Variants in RGR observed in about 807,000 individuals in gnomAD.
RGR encodes retinal G protein coupled receptor.
Under a neutral mutation model 28.6 loss-of-function variants are expected in RGR, and 30 were observed. The ratio of observed to expected loss-of-function variants is 1.05; its 90% confidence interval spans 0.78 to 1.42. The LOEUF (loss-of-function observed/expected upper bound fraction) is 1.42. Among genes scored for constraint, RGR ranks in the 40% most tolerant of loss-of-function variants. The probability of loss-of-function intolerance (pLI) is 0.00; values close to 1 mark genes in which losing one functional copy is unlikely to be tolerated. For missense variants in RGR, 404 were observed against 375.6 expected (o/e 1.08, Z -0.62); for synonymous variants, 180 against 156.4 (o/e 1.15, Z -1.13).
At chr10:84,258,217 C>T (rs1369520230) in intron 6 of RGR, among the ~76,000 whole-genome samples, 1 of 152,130 alleles carries the variant, frequency 6.6e-6, no homozygotes, top group African/African-American at 2.4e-5. Flanking sequence ...TTGACATTGC[C>T]CAAACCTCAT....
intron 3 of RGR, 29 bp from the exon 4 acceptor site, chr10:84,252,828 A>T (rs1254149087): frequency 6.2e-7 from 1 of 1,612,762 alleles, no homozygotes; most frequent in Non-Finnish European, 8.5e-7. Flanking sequence ...CCTCCTCACA[A>T]CCTCCTCTTC....
intron 1 of RGR, among the ~76,000 whole-genome samples, chr10:84,245,558 G>A (rs1303492951): frequency 6.6e-6 from 1 of 152,180 alleles, no homozygotes; most frequent in Non-Finnish European, 1.5e-5. Flanking sequence ...AGGCTCTGGG[G>A]ACAGACAGCT....
chr10:84,254,579 C>T, intron 5 of RGR, 136 bp downstream of exon 5: 1 of 787,432 alleles, frequency 1.3e-6, no homozygotes, highest in Non-Finnish European at 2.2e-6. Flanking sequence ...AAAGCTTATT[C>T]AGCACAGTAT....
chr10:84,259,123 T>C lies in RGR; in HGVS notation c.*484T>C, dbSNP rs886047353. On this transcript the variant is annotated 3_prime_UTR_variant, in exon 7 of 7. Transcript: ENST00000652092. ...TAGCTCCCACTTACAAGTGAGAACATGTGGTATTTGACTTTCTGTTTTTGA... is the reference window on the plus strand; with the variant it reads ...TAGCTCCCACTTACAAGTGAGAACACGTGGTATTTGACTTTCTGTTTTTGA... 2 of 177,456 alleles carry C rather than the reference T, an allele frequency of 1.1e-5. No homozygotes were observed. Among genetic ancestry groups the C allele is most frequent in the East Asian group, 1.4e-4 (1 of 7,214 alleles). The allele number at this position is 177,456 out of a possible 1,614,324, so 11.0% of individuals were successfully genotyped here.
chr10:84,259,050 C>G lies in RGR; in HGVS notation c.*411C>G. Reference sequence around the variant, plus strand: ...CTCCCACCTTGTCACCCTTCTGAGTCTCCAATGTCTATTATTCCACACTCC... The same window carrying G: ...CTCCCACCTTGTCACCCTTCTGAGTGTCCAATGTCTATTATTCCACACTCC... On this transcript the variant is annotated 3_prime_UTR_variant, in exon 7 of 7. Transcript: ENST00000652092. The G allele has an allele frequency of 7.0e-6, 2 of 284,542 alleles. No individual in the cohort carries two copies. The highest frequency in any genetic ancestry group is 6.9e-6 in the Non-Finnish European group (1 of 144,830). The allele number at this position is 284,542 out of a possible 1,614,324, so 17.6% of individuals were successfully genotyped here.
intron 5 of RGR, among the ~76,000 whole-genome samples, chr10:84,256,003 G>A (rs892341823): frequency 1.4e-5 from 2 of 142,982 alleles, no homozygotes; most frequent in African/African-American, 5.2e-5. Context: ...GGATATAGGC[G>A]TGAGCTGCCG....
At chr10:84,255,965 C>T (rs1842879334) in intron 5 of RGR, among the ~76,000 whole-genome samples, 1 of 149,680 alleles carries the variant, frequency 6.7e-6, no homozygotes, top group Non-Finnish European at 1.5e-5. Flanking sequence ...CTCAGGTGAT[C>T]CGCCCGCCTC....
rs4515908 is a variant in RGR, at chr10:84,252,364, A to G, written c.359-493A>G. 2.2e-4 allele frequency among the ~76,000 whole-genome samples: 33 copies of G among 152,222 alleles called. 2 individuals carry two copies. The South Asian group carries it at 5.0e-3, about 23-fold the overall frequency. ...ATGACCCTCACCTGAACCCCTGCCTATGCTTCTTCCTGAACTTTGTCTCTG... is the reference window on the plus strand; with the variant it reads ...ATGACCCTCACCTGAACCCCTGCCTGTGCTTCTTCCTGAACTTTGTCTCTG... On this transcript the variant is annotated intron_variant, in intron 3 of 6. Transcript: ENST00000652092.
At position 84,253,059 on chromosome 10, in the gene RGR, C is replaced by T. The variant is rs546501687; in HGVS notation, c.512+49C>T. The T allele has an allele frequency of 6.3e-6, 10 of 1,595,720 alleles. No individual in the cohort carries two copies. The East Asian group carries it at 2.0e-4, about 32-fold the overall frequency. On this transcript the variant is annotated intron_variant, in intron 4 of 6. Coordinates refer to ENST00000652092, the MANE Select transcript of RGR (RefSeq NM_001012720.2). ...AGGCTCCTATCCATGGGAATCTTGG[C>T]TTTGAACTCCTATGACAAGGGTGCC... is the stretch of plus-strand genomic sequence containing the variant.
chr10:84,250,016 G>A (rs1447602946), intron 3 of RGR, among the ~76,000 whole-genome samples: 1 of 152,098 alleles, frequency 6.6e-6, no homozygotes, highest in Non-Finnish European at 1.5e-5. Context: ...CTGTTCACCA[G>A]AGACCATCTA....
chr10:84,251,573 C>T (rs1200823844), intron 3 of RGR, among the ~76,000 whole-genome samples: 2 of 152,138 alleles, frequency 1.3e-5, no homozygotes, highest in African/African-American at 4.8e-5. Context: ...GAAACAGAGT[C>T]TCACTCTATT....
In RGR at chr10:84,247,615, C is replaced by T; in HGVS notation, c.104C>T (p.Thr35Ile). ...GCTCTCTCCGGTCTCAGCCTCAATA[C>T]CCTGACCATCTTCTCTTTCTGCAAG... ...VEALSGLSLN[T>I]LTIFSFCKTP... Residue 35 changes from threonine to isoleucine, a missense_variant, in exon 2 of 7, where the codon ACC becomes ATC. Coordinates refer to ENST00000652092, the MANE Select transcript of RGR (RefSeq NM_001012720.2). 6.2e-7 allele frequency: 1 copy of T among 1,614,178 alleles called. No homozygotes were observed. The highest frequency in any genetic ancestry group is 1.6e-4 in the Middle Eastern group (1 of 6,062).
In RGR at chr10:84,257,991, C is replaced by T. The variant is rs1589337352; in HGVS notation, c.729C>T (p.Ser243=). Residue 243 remains serine (S), a synonymous_variant, in exon 6 of 7, where the codon TCC becomes TCT. Coordinates refer to ENST00000652092, the MANE Select transcript of RGR (RefSeq NM_001012720.2). ...YAVIADVTSI[S]PKLQMVPALI... is the part of the protein sequence containing the mutation. ...TCATCGCAGACGTGACTTCCATCTC[C>T]CCCAAACTGCAGATGGTACAGATAC... is the stretch of plus-strand genomic sequence containing the variant. 6.2e-7 allele frequency: 1 copy of T among 1,614,076 alleles called. No individual in the cohort carries two copies.
In RGR at chr10:84,258,375, C is replaced by T. The variant is rs910066543; in HGVS notation, c.745-133C>T. 2.0e-5 allele frequency: 29 copies of T among 1,448,586 alleles called. No individual in the cohort carries two copies. In the Admixed American group the frequency reaches 2.3e-4, roughly 12 times the overall value. 89.7% of individuals were successfully genotyped at this position (1,448,586 alleles called of 1,614,324 possible). ...GAGCCATGCATCTCCACCAACTAGT[C>T]AGGGAAGCCTCCAAGGCTGCAGAAC... On this transcript the variant is annotated intron_variant, in intron 6 of 6. Coordinates refer to ENST00000652092, the MANE Select transcript of RGR (RefSeq NM_001012720.2).
chr10:84,248,856 A>G, intron 2 of RGR, 66 bp from the exon 3 acceptor site: 3 of 1,613,764 alleles, frequency 1.9e-6, no homozygotes, highest in Non-Finnish European at 2.5e-6. Flanking sequence ...TCCAAGCTGT[A>G]CTTGGCAGGT....
chr10:84,254,140 T>C (rs1842852814), intron 4 of RGR, among the ~76,000 whole-genome samples, 186 bp from the exon 5 acceptor site: 1 of 152,200 alleles, frequency 6.6e-6, no homozygotes, highest in Non-Finnish European at 1.5e-5. Context: ...AAGAGGCCTC[T>C]TCCTCCTTGT....
chr10:84,258,651 T>C lies in RGR; in HGVS notation c.*12T>C. 1 of 1,613,976 alleles carries C rather than the reference T, an allele frequency of 6.2e-7. No individual in the cohort carries two copies. The highest frequency in any genetic ancestry group is 8.5e-7 in the Non-Finnish European group (1 of 1,179,948). Reference sequence around the variant, plus strand: ...ACCGAACCAAGTGAGCCTGCCACCCTGGAGTGAGCCCCAGGCCAGGAGGCT... The same window carrying C: ...ACCGAACCAAGTGAGCCTGCCACCCCGGAGTGAGCCCCAGGCCAGGAGGCT... On this transcript the variant is annotated 3_prime_UTR_variant, in exon 7 of 7. Coordinates refer to ENST00000652092, the MANE Select transcript of RGR (RefSeq NM_001012720.2).
rs554091537 is a variant in RGR at position 84,248,534 on chromosome 10, G to C, written c.237-388G>C. The C allele has an allele frequency of 4.9e-5, 16 of 327,822 alleles. No individual in the cohort carries two copies. The South Asian group carries it at 5.0e-4, about 10-fold the overall frequency. The allele number at this position is 327,822 out of a possible 1,614,324, so 20.3% of individuals were successfully genotyped here. A position where few individuals can be genotyped will look rare whatever the true frequency, so the allele number is the denominator to read the frequency against. On this transcript the variant is annotated intron_variant, in intron 2 of 6. Transcript: ENST00000652092. Reference sequence around the variant, plus strand: ...CACCTTTGCTTGCCCTTTTAGGCTGGGGAGGCCTGGGATCTCCCCTCTGAC... The same window carrying C: ...CACCTTTGCTTGCCCTTTTAGGCTGCGGAGGCCTGGGATCTCCCCTCTGAC...
intron 3 of RGR, among the ~76,000 whole-genome samples, chr10:84,251,303 C>T (rs755208564): frequency 3.3e-5 from 5 of 152,114 alleles, no homozygotes; most frequent in Non-Finnish European, 5.9e-5. Context: ...TGTCCTTGCA[C>T]GTAATTATCG....
Sources: allele counts gnomAD v4.1 joint callset (sites outside exome capture counted in the v4.1 genomes callset), GRCh38; gene constraint gnomAD v4.1.1; transcripts MANE v1.5; gene names NCBI Gene and HGNC (gene_info 2026-07-23, HGNC 2026-07-21).